TMEM65: variants seen among roughly 807,000 people sequenced by gnomAD.
The protein encoded by TMEM65 is transmembrane protein 65.
A neutral mutation model predicts 25.4 loss-of-function variants in TMEM65; 22 were observed. That is an observed-to-expected ratio of 0.86 (90% CI 0.62 to 1.23). TMEM65 has a LOEUF of 1.23. TMEM65 is among the 50% of genes most tolerant of loss of function. The pLI is 0.00. For missense variants in TMEM65, 262 were observed against 308.2 expected, an observed-to-expected ratio of 0.85 and a Z score of 1.12; for synonymous variants, 132 against 126.2, an observed-to-expected ratio of 1.05 and a Z score of -0.31.
intron 6 of TMEM65, among the ~76,000 whole-genome samples, chr8:124,314,626 TTTTA>T (rs1184225232): frequency 6.6e-6 from 1 of 152,048 alleles, no homozygotes; most frequent in Non-Finnish European, 1.5e-5. Flanking sequence ...TTTATTTCAT[TTTTA>T]TTTATTTTAT....
chr8:124,327,411 GTGGA>G lies in TMEM65; in HGVS notation c.356_359del (p.Ile119ThrfsTer7). 1 of 1,593,074 alleles carries G rather than the reference GTGGA, an allele frequency of 6.3e-7. No individual in the cohort carries two copies. Among genetic ancestry groups the G allele is most frequent in the Non-Finnish European group, 8.5e-7 (1 of 1,170,680 alleles). On this transcript the variant is annotated frameshift_variant, in exon 3 of 7. Coordinates refer to ENST00000297632, the MANE Select transcript of TMEM65 (RefSeq NM_194291.3). LOFTEE classifies it high-confidence loss of function. Reference sequence around the variant, plus strand: ...CAAACCCTATGAAAGGTATCGCATTGTGGATGAATACTGAAAAACATCAAAAACA... The same window carrying G: ...CAAACCCTATGAAAGGTATCGCATTGTGAATACTGAAAAACATCAAAAACA...
intron 1 of TMEM65, among the ~76,000 whole-genome samples, chr8:124,369,949 A>C (rs1380426355): frequency 6.6e-6 from 1 of 152,226 alleles, no homozygotes; most frequent in African/African-American, 2.4e-5. Flanking sequence ...AGAGATAAGC[A>C]TCTGACTAAC....
At chr8:124,334,219 T>G (rs1190394752) in intron 1 of TMEM65, among the ~76,000 whole-genome samples, 1 of 152,102 alleles carries the variant, frequency 6.6e-6, no homozygotes, top group African/African-American at 2.4e-5. Context: ...CATACAAAAT[T>G]ACTTCACAAA....
At chr8:124,369,889 C>A (rs1331906504) in intron 1 of TMEM65, among the ~76,000 whole-genome samples, 1 of 152,160 alleles carries the variant, frequency 6.6e-6, no homozygotes. Flanking sequence ...TCATCGACAT[C>A]AGCAAAAATA....
At chr8:124,319,656 A>G (rs546806861) in intron 6 of TMEM65, among the ~76,000 whole-genome samples, 4 of 151,992 alleles carry the variant, frequency 2.6e-5, no homozygotes, top group Admixed American at 6.6e-5. Flanking sequence ...TCTCCCCACC[A>G]AAAGAAGTTA....
rs1218625676 is a variant in TMEM65, at chr8:124,307,093, C to T, written c.*6867G>A. 1 of 152,174 alleles carries T rather than the reference C, an allele frequency of 6.6e-6. No individual in the cohort carries two copies. Among genetic ancestry groups the T allele is most frequent in the Non-Finnish European group, 1.5e-5 (1 of 68,046 alleles). 9.4% of individuals were successfully genotyped at this position (152,174 alleles called of 1,614,324 possible). ...ACTATAGTACATACTGCACTACTAC[C>T]ATAATTTCAGAGCTACCTCCTGTTG... On this transcript the variant is annotated 3_prime_UTR_variant, in exon 7 of 7. Coordinates refer to ENST00000297632, the MANE Select transcript of TMEM65 (RefSeq NM_194291.3).
chr8:124,351,492 T>G (rs1320176593), intron 1 of TMEM65, among the ~76,000 whole-genome samples: 5 of 152,290 alleles, frequency 3.3e-5, no homozygotes, highest in Non-Finnish European at 5.9e-5. Context: ...AAAAAACTTA[T>G]CAGAAGCAGG....
In TMEM65 at chr8:124,371,837, C is replaced by T. The variant is rs1413388425; in HGVS notation, c.304+17G>A. ...GCGTCGGGGCCCCCGGGCTCGCCCCCCACCTGCCCCCCTTACCTTGGGCAA... is the reference window on the plus strand; with the variant it reads ...GCGTCGGGGCCCCCGGGCTCGCCCCTCACCTGCCCCCCTTACCTTGGGCAA... On this transcript the variant is annotated intron_variant, in intron 1 of 6. Transcript: ENST00000297632. The T allele has an allele frequency of 6.6e-7, 1 of 1,512,036 alleles. No homozygotes were observed. The highest frequency in any genetic ancestry group is 8.8e-7 in the Non-Finnish European group (1 of 1,135,860). 93.7% of individuals were successfully genotyped at this position (1,512,036 alleles called of 1,614,324 possible). A position where few individuals can be genotyped will look rare whatever the true frequency, so the allele number is the denominator to read the frequency against.
At chr8:124,363,212 T>C (rs1362343409) in intron 1 of TMEM65, among the ~76,000 whole-genome samples, 2 of 152,312 alleles carry the variant, frequency 1.3e-5, no homozygotes, top group Admixed American at 6.5e-5. Flanking sequence ...AACAAGCTTA[T>C]CTGGTAAGTT....
intron 3 of TMEM65, among the ~76,000 whole-genome samples, 166 bp downstream of exon 3, chr8:124,327,188 T>G (rs934903834): frequency 4.6e-5 from 7 of 152,022 alleles, no homozygotes; most frequent in African/African-American, 1.7e-4. Flanking sequence ...TAATAAATAT[T>G]AAATATAGCT....
chr8:124,329,949 C>T (rs1814411647), intron 2 of TMEM65, among the ~76,000 whole-genome samples: 1 of 151,852 alleles, frequency 6.6e-6, no homozygotes, highest in Admixed American at 6.6e-5. Flanking sequence ...AGTTACTAAT[C>T]TCTAATATAA....
At chr8:124,371,349 A>G (rs573284002) in intron 1 of TMEM65, among the ~76,000 whole-genome samples, 117 of 152,242 alleles carry the variant, frequency 7.7e-4, no homozygotes, top group African/African-American at 2.6e-3. Context: ...TCGAAGCTAC[A>G]CCCCTTCTTT....
chr8:124,326,937 T>C (rs1195593148), intron 3 of TMEM65, among the ~76,000 whole-genome samples: 1 of 152,080 alleles, frequency 6.6e-6, no homozygotes, highest in African/African-American at 2.4e-5. Flanking sequence ...CTAGACTATG[T>C]ATCAAAACAT....
At chr8:124,333,139 T>C (rs1489702974) in intron 1 of TMEM65, among the ~76,000 whole-genome samples, 4 of 151,378 alleles carry the variant, frequency 2.6e-5, no homozygotes, top group African/African-American at 4.9e-5. Flanking sequence ...CTTTCTTATG[T>C]TAACTGAATC....
chr8:124,351,362 G>T (rs1389754631), intron 1 of TMEM65, among the ~76,000 whole-genome samples: 1 of 151,994 alleles, frequency 6.6e-6, no homozygotes, highest in Non-Finnish European at 1.5e-5. Flanking sequence ...GTCAAAACAT[G>T]AAAAACTCTC....
At chr8:124,367,844 CAT>C (rs1491067412) in intron 1 of TMEM65, among the ~76,000 whole-genome samples, 1 of 150,874 alleles carries the variant, frequency 6.6e-6, no homozygotes, top group East Asian at 2.0e-4. Flanking sequence ...TTACCACTCA[CAT>C]AGAGTAATCA....
intron 1 of TMEM65, among the ~76,000 whole-genome samples, chr8:124,360,429 CAAAA>C (rs55829098): frequency 1.4e-5 from 1 of 70,630 alleles, no homozygotes; most frequent in Admixed American, 1.8e-4. Flanking sequence ...GACTCTGTCA[CAAAA>C]AAAAAAAAAA....
rs137900009 is a variant in TMEM65, at chr8:124,321,019, T to C, written c.516-828A>G. Among the ~76,000 whole-genome samples, 766 of 152,284 alleles carry C rather than the reference T, an allele frequency of 5.0e-3. 5 individuals are homozygous for C. Among genetic ancestry groups the C allele is most frequent in the Middle Eastern group, 0.037 (11 of 294 alleles). ...TTAGATCATTTGGTTCTATTAAATA[T>C]ATCAGAAAGCTATACAATGACTGTA... On this transcript the variant is annotated intron_variant, in intron 5 of 6. Coordinates refer to ENST00000297632, the MANE Select transcript of TMEM65 (RefSeq NM_194291.3).
At chr8:124,343,266 T>C (rs1254628139) in intron 1 of TMEM65, among the ~76,000 whole-genome samples, 3 of 152,116 alleles carry the variant, frequency 2.0e-5, no homozygotes, top group Non-Finnish European at 4.4e-5. Flanking sequence ...ATTGACCCCT[T>C]ATATAACAGT....
Sources: gnomAD v4.1 joint callset for allele counts (sites outside exome capture counted in the v4.1 genomes callset) on GRCh38, gnomAD v4.1.1 for gene constraint, MANE v1.5 for transcripts, NCBI Gene and HGNC (gene_info 2026-07-23, HGNC 2026-07-21) for gene names.